The following ABCD3 variants were observed in gnomAD, a reference collection of about 807,000 sequenced individuals.
ABCD3 encodes the protein ATP binding cassette subfamily D member 3.
A neutral mutation model predicts 105.5 loss-of-function variants in ABCD3; 41 were observed. That is an observed-to-expected ratio of 0.39 (90% CI 0.30 to 0.50). ABCD3 has a LOEUF of 0.50. Ranked by LOEUF, ABCD3 falls within the 20% of genes least tolerant of loss-of-function variation. The probability of loss-of-function intolerance (pLI) is 0.84; values close to 1 mark genes in which losing one functional copy is unlikely to be tolerated. For missense variants in ABCD3, 622 were observed against 806.3 expected (o/e 0.77, Z 2.77); for synonymous variants, 258 against 269.0 (o/e 0.96, Z 0.40).
chr1:94,467,943 G>T lies in ABCD3; in HGVS notation c.271G>T (p.Val91Phe). 1 of 1,613,270 alleles carries T rather than the reference G, an allele frequency of 6.2e-7. No individual in the cohort carries two copies. The highest frequency in any genetic ancestry group is 8.5e-7 in the Non-Finnish European group (1 of 1,179,448). Residue 91 changes from valine to phenylalanine, a missense_variant, in exon 4 of 23, where the codon GTT becomes TTT. Physicochemically the swap from Val to Phe is conservative, Grantham distance 50. This residue lies in a region of ABCD3 where 245 missense variants were observed against 356.4 expected (regional missense o/e 0.69). Coordinates refer to ENST00000370214, the MANE Select transcript of ABCD3 (RefSeq NM_002858.4). Reference protein sequence around the residue: ...KETGYLVLIAVMLVSRTYCDV... With the variant: ...KETGYLVLIAFMLVSRTYCDV... The stretch of plus-strand genomic sequence containing the variant: ...GACAGGTTACTTGGTACTTATTGCT[G>T]TTATGCTGGTGTCTCGAACATATTG...
chr1:94,452,412 TCA>T (rs1311795257), intron 1 of ABCD3, among the ~76,000 whole-genome samples: 1 of 152,218 alleles, frequency 6.6e-6, no homozygotes, highest in Non-Finnish European at 1.5e-5. Context: ...TAATTCAGTT[TCA>T]CATAGTTTAA....
chr1:94,517,498 C>T lies in ABCD3; in HGVS notation c.*369C>T, dbSNP rs1650975146. 2 of 255,066 alleles carry T rather than the reference C, an allele frequency of 7.8e-6. No homozygotes were observed. Among genetic ancestry groups the T allele is most frequent in the Non-Finnish European group, 1.5e-5 (2 of 130,412 alleles). 15.8% of individuals were successfully genotyped at this position (255,066 alleles called of 1,614,324 possible). Reference sequence around the variant, plus strand: ...CTCTATCTTTTCCTTCAGTGAAGAACCCTATTTAAAACTGGGTCATCATTT... The same window carrying T: ...CTCTATCTTTTCCTTCAGTGAAGAATCCTATTTAAAACTGGGTCATCATTT... On this transcript the variant is annotated 3_prime_UTR_variant, in exon 23 of 23. Coordinates refer to ENST00000370214, the MANE Select transcript of ABCD3 (RefSeq NM_002858.4).
At chr1:94,407,159 T>G in the ABCD3 span, among the ~76,000 whole-genome samples, 1 of 152,140 alleles carries the variant, frequency 6.6e-6, no homozygotes, top group Non-Finnish European at 1.5e-5. Flanking sequence ...TGTTTTTGTT[T>G]TTGTTTTTGA....
At chr1:94,504,562 G>A (rs1217790861) in intron 20 of ABCD3, among the ~76,000 whole-genome samples, 1 of 152,184 alleles carries the variant, frequency 6.6e-6, no homozygotes, top group Non-Finnish European at 1.5e-5. Context: ...AGGCTCTAAG[G>A]TGTAAAGCAC....
chr1:94,443,285 GT>G (rs1351997639), intron 1 of ABCD3, among the ~76,000 whole-genome samples: 1 of 152,036 alleles, frequency 6.6e-6, no homozygotes. Context: ...GTCTGTTCAT[GT>G]TGTTTGCCCA....
At chr1:94,473,222 A>G (rs1570790710) in intron 4 of ABCD3, among the ~76,000 whole-genome samples, 1 of 152,014 alleles carries the variant, frequency 6.6e-6, no homozygotes, top group South Asian at 2.1e-4. Context: ...ATACAGCCAC[A>G]CTTCTTGGCT....
intron 1 of ABCD3, among the ~76,000 whole-genome samples, chr1:94,446,821 G>A (rs1384175692): frequency 6.6e-6 from 1 of 152,158 alleles, no homozygotes; most frequent in Non-Finnish European, 1.5e-5. Flanking sequence ...GTTATATTTT[G>A]CATTATGAAG....
At chr1:94,438,537 G>A (rs1660008704) in intron 1 of ABCD3, among the ~76,000 whole-genome samples, 1 of 152,118 alleles carries the variant, frequency 6.6e-6, no homozygotes, top group Admixed American at 6.5e-5. Flanking sequence ...GTTCTATTGT[G>A]TAAAATGCCA....
intron 1 of ABCD3, among the ~76,000 whole-genome samples, chr1:94,423,977 A>G (rs779729150): frequency 1.2e-4 from 18 of 152,168 alleles, no homozygotes; most frequent in Non-Finnish European, 2.5e-4. Flanking sequence ...AGCATGAATC[A>G]TGTGAGGGGC....
chr1:94,497,461 C>G (rs1649879232), intron 16 of ABCD3, among the ~76,000 whole-genome samples: 1 of 152,118 alleles, frequency 6.6e-6, no homozygotes. Flanking sequence ...TATTTTCTTT[C>G]CTATTGTGTT....
intron 4 of ABCD3, among the ~76,000 whole-genome samples, chr1:94,473,490 A>G (rs1648585294): frequency 6.6e-6 from 1 of 152,136 alleles, no homozygotes; most frequent in South Asian, 2.1e-4. Flanking sequence ...TAGCCACTTA[A>G]GCCTTTTTTT....
chr1:94,482,213 G>A (rs147168935), intron 9 of ABCD3: 4 of 152,160 alleles, frequency 2.6e-5, no homozygotes, highest in South Asian at 2.1e-4. Flanking sequence ...CATGAAACGC[G>A]TGACAAATGT....
chr1:94,429,412 T>G (rs1659590417), intron 1 of ABCD3, among the ~76,000 whole-genome samples: 1 of 152,074 alleles, frequency 6.6e-6, no homozygotes, highest in African/African-American at 2.4e-5. Context: ...ATGGGGAAAA[T>G]GTCTCCAGGG....
rs192058840 is a variant in ABCD3 at position 94,517,909 on chromosome 1, T to C, written c.*780T>C. ...CAGGCTCAAGGTCTTATAAGAGTTC[T>C]AGATTTTTAAGAGAATTAGACAAAT... On this transcript the variant is annotated 3_prime_UTR_variant, in exon 23 of 23. Transcript: ENST00000370214. The C allele has an allele frequency of 3.3e-5, 5 of 152,146 alleles. No homozygotes were observed. The East Asian group carries it at 9.7e-4, about 29-fold the overall frequency. 9.4% of individuals were successfully genotyped at this position (152,146 alleles called of 1,614,324 possible).
At chr1:94,461,963 C>T (rs887595522) in intron 2 of ABCD3, among the ~76,000 whole-genome samples, 5 of 152,128 alleles carry the variant, frequency 3.3e-5, no homozygotes, top group African/African-American at 4.8e-5. Context: ...CACTACATGG[C>T]CTCTTATTTT....
At chr1:94,512,641 A>C (rs745970822) in intron 21 of ABCD3, among the ~76,000 whole-genome samples, 2 of 152,038 alleles carry the variant, frequency 1.3e-5, no homozygotes, top group African/African-American at 2.4e-5. Flanking sequence ...TTTATTTTCT[A>C]GCCTGAGCAA....
At chr1:94,500,115 A>G (rs1650017977) in intron 20 of ABCD3, among the ~76,000 whole-genome samples, 1 of 152,194 alleles carries the variant, frequency 6.6e-6, no homozygotes, top group Non-Finnish European at 1.5e-5. Flanking sequence ...TCTACTACTT[A>G]AAGTTACTTA....
intron 21 of ABCD3, among the ~76,000 whole-genome samples, chr1:94,512,700 T>A (rs1260152261): frequency 6.6e-6 from 1 of 152,116 alleles, no homozygotes; most frequent in Non-Finnish European, 1.5e-5. Flanking sequence ...CTATCTTTAT[T>A]GGTTCCATTC....
At position 94,437,388 on chromosome 1, in the gene ABCD3, G is replaced by A. The variant is rs139102495; in HGVS notation, c.110+18800G>A. Among the ~76,000 whole-genome samples the A allele has an allele frequency of 2.3e-3, 351 of 152,236 alleles. 3 individuals are homozygous for A. The highest frequency in any genetic ancestry group is 7.8e-3 in the African/African-American group (325 of 41,536). On this transcript the variant is annotated intron_variant, in intron 1 of 22. Coordinates refer to ENST00000370214, the MANE Select transcript of ABCD3 (RefSeq NM_002858.4). The stretch of plus-strand genomic sequence containing the variant: ...CATTTACCATAGTGAAAATCCTAGG[G>A]CCCTTAAGAATTATGCTAAATTTAC...
Sources: allele counts gnomAD v4.1 joint callset (sites outside exome capture counted in the v4.1 genomes callset), GRCh38; gene constraint gnomAD v4.1.1; regional missense constraint gnomAD v4.1.1; transcripts MANE v1.5; gene names NCBI Gene and HGNC (gene_info 2026-07-23, HGNC 2026-07-21).